The following AFF3 variants were observed in gnomAD, a reference collection of about 807,000 sequenced individuals.
AFF3 encodes AF4/FMR2 family member 3.
In AFF3, 32 loss-of-function variants were observed where a neutral mutation model predicts 129.7. That is an observed-to-expected ratio of 0.25 (90% CI 0.19 to 0.33). The LOEUF is 0.33. Among genes scored for constraint, AFF3 ranks in the 10% least tolerant of loss-of-function variants. The pLI is 1.00. For synonymous variants in AFF3, 644 were observed against 635.4 expected (o/e 1.01, Z -0.20); for missense variants, 1,373 against 1,592.0 (o/e 0.86, Z 2.34).
chr2:99,677,541 C>G (rs1423813149), intron 11 of AFF3, among the ~76,000 whole-genome samples: 1 of 152,124 alleles, frequency 6.6e-6, no homozygotes, highest in East Asian at 1.9e-4. Flanking sequence ...GTTGTAACAC[C>G]CTTCCTGACA....
chr2:99,636,056 C>A (rs556496267), intron 13 of AFF3, among the ~76,000 whole-genome samples: 1 of 152,302 alleles, frequency 6.6e-6, no homozygotes, highest in African/African-American at 2.4e-5. Flanking sequence ...TGGCTGGGGC[C>A]ATGATTCAAA....
At chr2:99,927,232 A>G (rs1480086566) in intron 7 of AFF3, among the ~76,000 whole-genome samples, 1 of 152,250 alleles carries the variant, frequency 6.6e-6, no homozygotes, top group African/African-American at 2.4e-5. Flanking sequence ...ATCCAGCCAC[A>G]GGGCCTCTCC....
chr2:99,585,693 C>G (rs75690639), intron 16 of AFF3, among the ~76,000 whole-genome samples: 1 of 152,110 alleles, frequency 6.6e-6, no homozygotes, highest in African/African-American at 2.4e-5. Flanking sequence ...CACTTGAGAC[C>G]GTGTCACCGG....
chr2:99,936,714 T>G (rs1674555857), intron 7 of AFF3, among the ~76,000 whole-genome samples: 1 of 152,220 alleles, frequency 6.6e-6, no homozygotes. Context: ...GAGAAATGAC[T>G]GGACTTCCGA....
At chr2:99,685,022 T>C (rs13013581) in intron 11 of AFF3, among the ~76,000 whole-genome samples, 3 of 150,942 alleles carry the variant, frequency 2.0e-5, no homozygotes, top group African/African-American at 4.9e-5. Flanking sequence ...CACCACAACC[T>C]CCGCCTCCCA....
chr2:100,043,356 T>G (rs1685590616), intron 4 of AFF3, among the ~76,000 whole-genome samples: 1 of 152,188 alleles, frequency 6.6e-6, no homozygotes, highest in Admixed American at 6.5e-5. Context: ...CCCACTTGCC[T>G]CAGCAACCAT....
At chr2:99,917,943 T>C (rs776408033) in intron 7 of AFF3, among the ~76,000 whole-genome samples, 3 of 152,068 alleles carry the variant, frequency 2.0e-5, no homozygotes, top group Non-Finnish European at 4.4e-5. Context: ...ATAAAAATCC[T>C]AGGAAGAGAA....
chr2:99,971,072 C>G (rs139235744), intron 7 of AFF3, among the ~76,000 whole-genome samples: 1 of 152,146 alleles, frequency 6.6e-6, no homozygotes, highest in African/African-American at 2.4e-5. Flanking sequence ...TCCTACCAAC[C>G]CCCTGACTCT....
chr2:100,084,516 T>C (rs1689275144), intron 4 of AFF3, among the ~76,000 whole-genome samples: 1 of 152,194 alleles, frequency 6.6e-6, no homozygotes, highest in Non-Finnish European at 1.5e-5. Context: ...CAAGGAGAAA[T>C]GTAACAGTAC....
chr2:99,648,876 A>AACACACACACACAC (rs1183425993), intron 13 of AFF3, among the ~76,000 whole-genome samples: 1 of 32,768 alleles, frequency 3.1e-5, no homozygotes, highest in Admixed American at 3.4e-4. Context: ...AGTTCCTCAA[A>AACACACACACACAC]ACACGCGCGC....
At chr2:99,902,802 C>A (rs960954230) in intron 7 of AFF3, among the ~76,000 whole-genome samples, 27 of 151,742 alleles carry the variant, frequency 1.8e-4, no homozygotes, top group African/African-American at 4.8e-4. Context: ...CTGCCAACAT[C>A]CTACATAATG....
intron 3 of AFF3, chr2:100,105,187 G>C: frequency 1.9e-6 from 1 of 519,128 alleles, no homozygotes; most frequent in Non-Finnish European, 2.6e-6. Flanking sequence ...TGCCCGGGCT[G>C]CACGCACTTC....
At chr2:99,731,423 T>G (rs1297010847) in intron 10 of AFF3, among the ~76,000 whole-genome samples, 1 of 152,212 alleles carries the variant, frequency 6.6e-6, no homozygotes, top group African/African-American at 2.4e-5. Context: ...TTAAATATAT[T>G]TAATCTTATT....
At chr2:100,004,812 T>A (rs1238605227) in intron 7 of AFF3, among the ~76,000 whole-genome samples, 1 of 151,892 alleles carries the variant, frequency 6.6e-6, no homozygotes, top group Non-Finnish European at 1.5e-5. Flanking sequence ...ACATTTCTCC[T>A]AATATGCAGT....
At chr2:100,080,589 C>CA (rs1278402407) in intron 4 of AFF3, among the ~76,000 whole-genome samples, 3 of 150,804 alleles carry the variant, frequency 2.0e-5, no homozygotes, top group Non-Finnish European at 4.4e-5. Flanking sequence ...AGTCTATTAG[C>CA]AAAAAAAATA....
At chr2:99,976,534 G>A (rs1364783857) in intron 7 of AFF3, among the ~76,000 whole-genome samples, 5 of 152,138 alleles carry the variant, frequency 3.3e-5, no homozygotes, top group Non-Finnish European at 7.4e-5. Context: ...TTTTGGCAAA[G>A]GTAAGGAATC....
At chr2:99,554,570 G>A in intron 23 of AFF3, 36 bp from the exon 24 acceptor site, 1 of 1,608,670 alleles carries the variant, frequency 6.2e-7, no homozygotes, top group Non-Finnish European at 8.5e-7. Context: ...AGAGTGGCGA[G>A]GTCGGGAGCA....
intron 19 of AFF3, among the ~76,000 whole-genome samples, chr2:99,567,134 A>ATTTTT (rs35594854): frequency 7.7e-6 from 1 of 130,026 alleles, no homozygotes; most frequent in Non-Finnish European, 1.6e-5. Flanking sequence ...CACCTGGCTC[A>ATTTTT]TTTTTTTTTT....
intron 2 of AFF3, among the ~76,000 whole-genome samples, chr2:100,128,041 A>C (rs1472746468): frequency 6.6e-6 from 1 of 151,952 alleles, no homozygotes; most frequent in African/African-American, 2.4e-5. Context: ...TCACTGCTAC[A>C]CTCCCACCAG....
Sources: gnomAD v4.1 joint callset for allele counts (sites outside exome capture counted in the v4.1 genomes callset) on GRCh38, gnomAD v4.1.1 for gene constraint, MANE v1.5 for transcripts, NCBI Gene and HGNC (gene_info 2026-07-23, HGNC 2026-07-21) for gene names.